GNB1L: variants seen among roughly 807,000 people sequenced by gnomAD.
GNB1L encodes the protein G protein subunit beta 1 like, also known as guanine nucleotide-binding protein subunit beta-like protein 1.
A neutral mutation model predicts 29.1 loss-of-function variants in GNB1L; 20 were observed. The ratio of observed to expected loss-of-function variants is 0.69; its 90% CI spans 0.48 to 1.00. The LOEUF (loss-of-function observed/expected upper bound fraction) is 1.00. Among genes scored for constraint, GNB1L ranks in the 50% least tolerant of loss-of-function variants. The pLI is 0.00. For missense variants in GNB1L, 421 were observed against 464.9 expected, an observed-to-expected ratio of 0.91 and a Z score of 0.87; for synonymous variants, 193 against 206.5, an observed-to-expected ratio of 0.93 and a Z score of 0.56.
At chr22:19,835,529 C>A (rs1226534721) in intron 2 of GNB1L, among the ~76,000 whole-genome samples, 1 of 151,938 alleles carries the variant, frequency 6.6e-6, no homozygotes, top group Non-Finnish European at 1.5e-5. Context: ...AAAAAATTAG[C>A]CAGGCATAGT....
chr22:19,818,203 C>T (rs557435423), intron 4 of GNB1L, among the ~76,000 whole-genome samples: 3 of 152,346 alleles, frequency 2.0e-5, no homozygotes, highest in South Asian at 2.1e-4. Context: ...GAGGTGCCCT[C>T]GAACGTCAGC....
chr22:19,806,234 A>T (rs1937432462), intron 6 of GNB1L, among the ~76,000 whole-genome samples: 1 of 152,270 alleles, frequency 6.6e-6, no homozygotes, highest in South Asian at 2.1e-4. Context: ...CAAAGAAGTA[A>T]TAAAAATCAA....
At chr22:19,790,438 T>G (rs78401130) in intron 7 of GNB1L, among the ~76,000 whole-genome samples, 1,989 of 152,226 alleles carry the variant, frequency 0.013, 52 homozygotes, top group African/African-American at 0.045. Context: ...AAAAATAGCA[T>G]TATTTCCTTC....
intron 4 of GNB1L, among the ~76,000 whole-genome samples, chr22:19,818,908 T>G (rs1473877125): frequency 6.6e-6 from 1 of 152,158 alleles, no homozygotes; most frequent in Admixed American, 6.5e-5. Flanking sequence ...GTCAGCCCCC[T>G]GCAGGCCTTC....
intron 4 of GNB1L, among the ~76,000 whole-genome samples, chr22:19,813,439 T>C (rs746571651): frequency 1.2e-4 from 19 of 152,258 alleles, no homozygotes; most frequent in Non-Finnish European, 2.5e-4. Context: ...TACTCAGCAC[T>C]GTGGGAGGCC....
intron 7 of GNB1L, among the ~76,000 whole-genome samples, chr22:19,794,386 C>T (rs998396626): frequency 3.9e-5 from 6 of 152,134 alleles, no homozygotes; most frequent in Non-Finnish European, 7.3e-5. Context: ...GTTTGTGAGG[C>T]GGGATGTAAA....
At chr22:19,849,362 GTTTT>G (rs1430448400) in intron 2 of GNB1L, 6 of 858,332 alleles carry the variant, frequency 7.0e-6, no homozygotes, top group Non-Finnish European at 8.4e-6. Context: ...TAAGGTTTTT[GTTTT>G]TTGTTGTTTT....
chr22:19,852,566 G>A (rs377384167), intron 2 of GNB1L: 13 of 359,406 alleles, frequency 3.6e-5, no homozygotes, highest in African/African-American at 1.2e-4. Flanking sequence ...GGCTACAAGC[G>A]GGCAACCCTC....
intron 5 of GNB1L, among the ~76,000 whole-genome samples, chr22:19,810,205 G>A (rs990564297): frequency 1.3e-5 from 2 of 152,222 alleles, no homozygotes; most frequent in Non-Finnish European, 2.9e-5. Context: ...TGCCTCTGTG[G>A]GGTGGGGAGG....
chr22:19,815,695 C>T (rs1937521296), intron 4 of GNB1L, among the ~76,000 whole-genome samples: 1 of 152,140 alleles, frequency 6.6e-6, no homozygotes, highest in African/African-American at 2.4e-5. Flanking sequence ...GATCCTCCCA[C>T]TTCAGCCTCC....
intron 2 of GNB1L, among the ~76,000 whole-genome samples, chr22:19,825,450 C>T (rs8138689): frequency 0.43 from 64,469 of 149,778 alleles, 13,843 homozygotes; most frequent in Middle Eastern, 0.49. Flanking sequence ...GGAGACCTTG[C>T]CTTTACAAAA....
intron 7 of GNB1L, among the ~76,000 whole-genome samples, chr22:19,789,795 C>T (rs1937232592): frequency 6.7e-6 from 1 of 150,140 alleles, no homozygotes; most frequent in African/African-American, 2.5e-5. Context: ...GAGATCACTG[C>T]CACCGCACTC....
At chr22:19,850,983 C>T in intron 2 of GNB1L, 1 of 1,409,460 alleles carries the variant, frequency 7.1e-7, no homozygotes, top group Non-Finnish European at 9.2e-7. Context: ...GGAGGTCAAG[C>T]TCTGCTGGAG....
intron 5 of GNB1L, among the ~76,000 whole-genome samples, chr22:19,809,129 T>C (rs764869095): frequency 1.3e-5 from 2 of 151,606 alleles, no homozygotes; most frequent in Non-Finnish European, 2.9e-5. Context: ...CCACCCTGGC[T>C]CACCACACCC....
At chr22:19,795,340 T>C (rs1937294135) in intron 7 of GNB1L, among the ~76,000 whole-genome samples, 1 of 151,676 alleles carries the variant, frequency 6.6e-6, no homozygotes, top group South Asian at 2.1e-4. Context: ...TCTGCGTAAC[T>C]GGTAAAAAAA....
intron 2 of GNB1L, among the ~76,000 whole-genome samples, chr22:19,827,520 C>T (rs1034968247): frequency 2.0e-5 from 3 of 151,996 alleles, no homozygotes; most frequent in Admixed American, 2.0e-4. Flanking sequence ...AAGCAAACAC[C>T]GAAAGAAAAA....
chr22:19,844,308 T>C (rs1253643110), intron 2 of GNB1L, among the ~76,000 whole-genome samples: 2 of 152,244 alleles, frequency 1.3e-5, no homozygotes, highest in African/African-American at 4.8e-5. Context: ...CCCGAGGCAC[T>C]GCCAGTCCCT....
chr22:19,847,873 C>A (rs977843273), intron 2 of GNB1L: 2 of 957,470 alleles, frequency 2.1e-6, no homozygotes, highest in Non-Finnish European at 2.5e-6. Context: ...ACATTGAAAT[C>A]TTTAATCTGG....
chr22:19,815,937 C>T (rs530610182), intron 4 of GNB1L, among the ~76,000 whole-genome samples: 70 of 152,222 alleles, frequency 4.6e-4, no homozygotes, highest in Non-Finnish European at 9.4e-4. Context: ...ACGAAGACCC[C>T]GTATGCCTCC....
Sources: gnomAD v4.1 joint callset for allele counts (sites outside exome capture counted in the v4.1 genomes callset) on GRCh38, gnomAD v4.1.1 for gene constraint, MANE v1.5 for transcripts, NCBI Gene and HGNC (gene_info 2026-07-23, HGNC 2026-07-21) for gene names.